Variants in IGSF5 observed in about 807,000 individuals in gnomAD.
The protein encoded by IGSF5 is immunoglobulin superfamily member 5, also known as immunoglobulin superfamily 5 like.
A neutral mutation model predicts 39.4 loss-of-function variants in IGSF5; 41 were observed. The ratio of observed to expected loss-of-function variants is 1.04; its 90% CI spans 0.81 to 1.35. The LOEUF is 1.35. IGSF5 is among the 40% of genes most tolerant of loss of function. The pLI is 0.00. For missense variants in IGSF5, 487 were observed against 494.6 expected (o/e 0.98, Z 0.15); for synonymous variants, 183 against 175.3 (o/e 1.04, Z -0.34).
chr21:39,793,262 G>A (rs1158844785), intron 7 of IGSF5, among the ~76,000 whole-genome samples: 1 of 152,168 alleles, frequency 6.6e-6, no homozygotes, highest in Non-Finnish European at 1.5e-5. Flanking sequence ...TTGATCAGCT[G>A]TTGAAGCTTT....
intron 8 of IGSF5, among the ~76,000 whole-genome samples, chr21:39,797,153 C>T (rs960549064): frequency 2.0e-5 from 3 of 151,344 alleles, no homozygotes; most frequent in Non-Finnish European, 4.4e-5. Flanking sequence ...CCATGCCCAG[C>T]ATTATGCTGT....
chr21:39,787,424 C>CCCA (rs1449266807), intron 5 of IGSF5, among the ~76,000 whole-genome samples: 1 of 152,114 alleles, frequency 6.6e-6, no homozygotes, highest in Non-Finnish European at 1.5e-5. Flanking sequence ...TTGTAAAGAT[C>CCCA]ACAGGCTTTT....
At chr21:39,751,454 C>G (rs1411476418) in intron 2 of IGSF5, 1 of 152,242 alleles carries the variant, frequency 6.6e-6, no homozygotes, top group East Asian at 1.9e-4. Flanking sequence ...TGGACATTTG[C>G]ACACATGATC....
At chr21:39,757,446 G>A (rs1289033870) in intron 2 of IGSF5, among the ~76,000 whole-genome samples, 3 of 151,988 alleles carry the variant, frequency 2.0e-5, no homozygotes, top group Admixed American at 6.6e-5. Context: ...GGTGTAAGAC[G>A]ATTTCAACCA....
At chr21:39,728,134 A>G in the IGSF5 span, 1 of 152,142 alleles carries the variant, frequency 6.6e-6, no homozygotes, top group Non-Finnish European at 1.5e-5. Context: ...TTTCCTCCCC[A>G]GTCTCACTGT....
chr21:39,714,596 T>C, the IGSF5 span, among the ~76,000 whole-genome samples: 1 of 151,452 alleles, frequency 6.6e-6, no homozygotes, highest in South Asian at 2.1e-4. Flanking sequence ...GGAGATCTAC[T>C]CCAGGCTCTC....
At chr21:39,769,467 CAAAAA>C (rs34427585) in intron 3 of IGSF5, among the ~76,000 whole-genome samples, 2 of 79,830 alleles carry the variant, frequency 2.5e-5, no homozygotes, top group African/African-American at 4.7e-5. Flanking sequence ...AAGTCTGTCT[CAAAAA>C]AAAAAAAAAA....
chr21:39,775,736 G>A (rs996940912), intron 4 of IGSF5, among the ~76,000 whole-genome samples: 3 of 152,120 alleles, frequency 2.0e-5, no homozygotes, highest in Non-Finnish European at 4.4e-5. Flanking sequence ...GGTTACTCAG[G>A]TATAGTATAC....
rs367941806 is a variant in IGSF5 at position 39,773,104 on chromosome 21, T to A, written c.718+1889T>A. On this transcript the variant is annotated intron_variant, in intron 4 of 8. Transcript: ENST00000380588. ...ACTAAGCCTAGTACCCATTAGTTAT[T>A]TTTCCTGCTTCTCTCCCTCCTCCCA... 6.6e-5 allele frequency among the ~76,000 whole-genome samples: 10 copies of A among 152,256 alleles called. No individual in the cohort carries two copies. The South Asian group carries it at 1.0e-3, about 16-fold the overall frequency.
Position 39,772,493 on chromosome 21 carries a change from G to T in IGSF5, c.718+1278G>T, listed in dbSNP as rs186236555. Among the ~76,000 whole-genome samples, 11 of 152,274 alleles carry T rather than the reference G, an allele frequency of 7.2e-5. No individual in the cohort carries two copies. In the East Asian group the frequency reaches 2.1e-3, roughly 29 times the overall value. On this transcript the variant is annotated intron_variant, in intron 4 of 8. Coordinates refer to ENST00000380588, the MANE Select transcript of IGSF5 (RefSeq NM_001080444.2). ...GAGGTTGGAAGTGTCATCAGGGCTG[G>T]TTCCTCCTGAGGGCTGGGAGGGAGC...
chr21:39,747,432 G>A (rs2079980751), intron 2 of IGSF5, among the ~76,000 whole-genome samples: 1 of 72,910 alleles, frequency 1.4e-5, no homozygotes, highest in Non-Finnish European at 3.0e-5. Context: ...ATATCACCTG[G>A]CCACATGGCC....
chr21:39,748,906 G>C (rs2079989486), intron 2 of IGSF5, among the ~76,000 whole-genome samples: 2 of 152,098 alleles, frequency 1.3e-5, no homozygotes, highest in Non-Finnish European at 2.9e-5. Context: ...AAGTTGCATT[G>C]GATGACAAAA....
intron 6 of IGSF5, among the ~76,000 whole-genome samples, chr21:39,791,173 C>G (rs561341890): frequency 1.3e-5 from 2 of 152,280 alleles, no homozygotes; most frequent in Middle Eastern, 3.4e-3. Flanking sequence ...CAGGCTTACA[C>G]TCCCGCTAGC....
the IGSF5 span, among the ~76,000 whole-genome samples, chr21:39,730,885 A>G: frequency 1.3e-5 from 2 of 152,218 alleles, no homozygotes; most frequent in Non-Finnish European, 2.9e-5. Context: ...AATAGTCACT[A>G]ATGGGAACTC....
rs1398401773 is a variant in IGSF5 at position 39,746,219 on chromosome 21, C to T, written c.21C>T (p.Ser7=). ...AATGGGCGCCTCACTGGATCAGGAG[C>T]ACAGCAGATACTCTGCCGGATCTGG... MGQKER[S]TADTLPDLEE... is the part of the protein sequence containing the mutation. The change falls in exon 2 of 9, where the codon AGC becomes AGT. Residue 7 remains serine, a synonymous_variant. Transcript: ENST00000380588. 1.4e-6 allele frequency: 1 copy of T among 701,894 alleles called. No individual in the cohort carries two copies. The highest frequency in any genetic ancestry group is 2.6e-6 in the Non-Finnish European group (1 of 384,792). 43.5% of individuals were successfully genotyped at this position (701,894 alleles called of 1,614,324 possible).
At chr21:39,768,669 C>T (rs1370228069) in intron 3 of IGSF5, among the ~76,000 whole-genome samples, 5 of 152,166 alleles carry the variant, frequency 3.3e-5, no homozygotes, top group East Asian at 1.9e-4. Flanking sequence ...CATCTTAAAC[C>T]GTCTCTCTGT....
At chr21:39,744,490 G>A (rs1027013348), upstream of IGSF5, among the ~76,000 whole-genome samples, 1 of 152,180 alleles carries the variant, frequency 6.6e-6, no homozygotes, top group East Asian at 1.9e-4. Context: ...GCTTCCACAA[G>A]AGTCTCCGTA....
upstream of IGSF5, among the ~76,000 whole-genome samples, chr21:39,743,688 T>C (rs1314492154): frequency 6.6e-6 from 1 of 152,004 alleles, no homozygotes; most frequent in Non-Finnish European, 1.5e-5. Flanking sequence ...GCATAAGTCA[T>C]ACTTTTTGCA....
At chr21:39,738,096 C>T in the IGSF5 span, among the ~76,000 whole-genome samples, 4 of 152,200 alleles carry the variant, frequency 2.6e-5, no homozygotes, top group Admixed American at 1.3e-4. This position sits in a 1 kb window ranked among gnomAD's most constrained non-coding sequence, Gnocchi z 6.4. Context: ...TACTCTCTTA[C>T]ATTCAGCAGC....
Sources: allele counts gnomAD v4.1 joint callset (sites outside exome capture counted in the v4.1 genomes callset), GRCh38; gene constraint gnomAD v4.1.1; non-coding constraint Gnocchi (gnomAD v3.1); transcripts MANE v1.5; gene names NCBI Gene and HGNC (gene_info 2026-07-23, HGNC 2026-07-21).